Variants in CELF2 observed in about 807,000 individuals in gnomAD.
CELF2 encodes CUG triplet repeat RNA-binding protein 2.
CELF2 carries 8 observed loss-of-function variants against 62.6 expected under a neutral mutation model. The observed-to-expected ratio is 0.13, with a 90% CI of 0.07 to 0.23. The LOEUF (loss-of-function observed/expected upper bound fraction) is 0.23. Ranked by LOEUF, CELF2 falls within the 10% of genes least tolerant of loss-of-function variation. The pLI is 1.00. For synonymous variants in CELF2, 258 were observed against 250.0 expected (o/e 1.03, Z -0.30); for missense variants, 333 against 671.0 (o/e 0.50, Z 5.56).
chr10:10,813,793 C>G (rs1013025404), intron 1 of CELF2, among the ~76,000 whole-genome samples: 1 of 152,152 alleles, frequency 6.6e-6, no homozygotes, highest in African/African-American at 2.4e-5. Flanking sequence ...GGATTTGGGC[C>G]ATGGGCCGTG....
the CELF2 span, among the ~76,000 whole-genome samples, chr10:10,527,128 G>T: frequency 6.6e-6 from 1 of 152,188 alleles, no homozygotes; most frequent in Non-Finnish European, 1.5e-5. Context: ...GTTTGAGGCC[G>T]TGGAGCTGAC....
intron 9 of CELF2, among the ~76,000 whole-genome samples, chr10:11,294,130 T>C (rs943903512): frequency 2.6e-5 from 4 of 152,222 alleles, no homozygotes; most frequent in African/African-American, 7.2e-5. Flanking sequence ...TTACAAATAG[T>C]GGCTTTCAAA....
intron 1 of CELF2, among the ~76,000 whole-genome samples, chr10:11,125,926 C>T (rs2058611952): frequency 6.6e-6 from 1 of 152,194 alleles, no homozygotes; most frequent in Non-Finnish European, 1.5e-5. Context: ...TGGCTTCCAC[C>T]AATGTAAACA....
At chr10:11,080,547 T>C (rs184579951) in intron 1 of CELF2, among the ~76,000 whole-genome samples, 104 of 152,358 alleles carry the variant, frequency 6.8e-4, no homozygotes, top group Admixed American at 5.4e-3. Context: ...TTTGTACTTA[T>C]TTCAGGCAAA....
chr10:10,821,413 T>C (rs2056951525), intron 1 of CELF2, among the ~76,000 whole-genome samples: 1 of 152,212 alleles, frequency 6.6e-6, no homozygotes, highest in Admixed American at 6.5e-5. Flanking sequence ...GACAGAGGTT[T>C]GAAGTCACCA....
upstream of CELF2, among the ~76,000 whole-genome samples, chr10:10,795,689 A>G (rs1564632674): frequency 6.6e-6 from 1 of 152,236 alleles, no homozygotes; most frequent in Non-Finnish European, 1.5e-5. Flanking sequence ...GCAGTATGTG[A>G]TAGCATGGAA....
chr10:10,463,244 C>T, the CELF2 span, among the ~76,000 whole-genome samples: 1 of 152,076 alleles, frequency 6.6e-6, no homozygotes, highest in Non-Finnish European at 1.5e-5. Context: ...TTATTCAACC[C>T]AATTAAATTC....
chr10:10,552,072 C>T, the CELF2 span, among the ~76,000 whole-genome samples: 2 of 152,206 alleles, frequency 1.3e-5, no homozygotes, highest in Non-Finnish European at 2.9e-5. Flanking sequence ...AAACAAAAGA[C>T]GAGTGGGTGG....
At chr10:11,164,992 T>C (rs924602282) in intron 1 of CELF2, 36 of 849,862 alleles carry the variant, frequency 4.2e-5, no homozygotes, top group Non-Finnish European at 4.9e-5. Context: ...TGTGACTTTA[T>C]TATTACCACC....
At chr10:10,784,537 C>T in the CELF2 span, 64,767 of 152,138 alleles carry the variant, frequency 0.43, 14,035 homozygotes, top group East Asian at 0.58. Flanking sequence ...GATCTTTCTC[C>T]GCAGTGTGGC....
chr10:10,823,748 C>A (rs1468815526), intron 1 of CELF2, among the ~76,000 whole-genome samples: 2 of 152,152 alleles, frequency 1.3e-5, no homozygotes, highest in Admixed American at 1.3e-4. Context: ...AAACAATGTT[C>A]TAAACATTTG....
chr10:11,261,389 C>T (rs919721453), intron 5 of CELF2, among the ~76,000 whole-genome samples: 1 of 149,702 alleles, frequency 6.7e-6, no homozygotes, highest in African/African-American at 2.5e-5. Context: ...CCCATCAAGT[C>T]GTGCTATACT....
chr10:10,570,914 C>G, the CELF2 span, among the ~76,000 whole-genome samples: 2 of 151,954 alleles, frequency 1.3e-5, no homozygotes, highest in East Asian at 1.9e-4. Context: ...AGATGAGTAG[C>G]TTTTTTGAGG....
the CELF2 span, among the ~76,000 whole-genome samples, chr10:10,658,456 G>A: frequency 2.0e-5 from 3 of 152,154 alleles, no homozygotes; most frequent in East Asian, 5.8e-4. Context: ...AGTATGCTTT[G>A]TCTACATTAA....
chr10:10,473,832 C>T, the CELF2 span, among the ~76,000 whole-genome samples: 8 of 152,002 alleles, frequency 5.3e-5, no homozygotes, highest in Non-Finnish European at 1.0e-4. Flanking sequence ...TGTCATTTTC[C>T]ACTTCTAGTT....
chr10:11,192,758 C>G (rs974986085), intron 2 of CELF2, among the ~76,000 whole-genome samples: 5 of 152,164 alleles, frequency 3.3e-5, no homozygotes, highest in Non-Finnish European at 5.9e-5. Flanking sequence ...TAACCCCTGG[C>G]GTGCGTTAGA....
chr10:11,206,937 T>C (rs1008067653), intron 2 of CELF2, among the ~76,000 whole-genome samples: 11 of 152,114 alleles, frequency 7.2e-5, no homozygotes, highest in Admixed American at 5.2e-4. Flanking sequence ...GTGGGAGAGT[T>C]CGTGAAACAG....
chr10:10,647,580 C>T, the CELF2 span, among the ~76,000 whole-genome samples: 9 of 152,310 alleles, frequency 5.9e-5, no homozygotes, highest in Non-Finnish European at 1.0e-4. Context: ...ATTTGGACAG[C>T]GCTCTGCATT....
chr10:10,670,292 G>C, the CELF2 span, among the ~76,000 whole-genome samples: 1 of 152,104 alleles, frequency 6.6e-6, no homozygotes, highest in South Asian at 2.1e-4. Flanking sequence ...TTTCCAACAA[G>C]AGTCATAACA....
Sources: gnomAD v4.1 joint callset for allele counts (sites outside exome capture counted in the v4.1 genomes callset) on GRCh38, gnomAD v4.1.1 for gene constraint, MANE v1.5 for transcripts, NCBI Gene and HGNC (gene_info 2026-07-23, HGNC 2026-07-21) for gene names.